OR5H15: variants seen among roughly 807,000 people sequenced by gnomAD.
The protein encoded by OR5H15 is olfactory receptor 5H15.
For synonymous variants in OR5H15, 153 were observed against 129.1 expected (o/e 1.19, Z -1.26); for missense variants, 405 against 366.1 (o/e 1.11, Z -0.87).
In OR5H15 at chr3:98,169,443, C is replaced by G; in HGVS notation, c.744C>G (p.Val248=). The G allele has an allele frequency of 1.2e-6, 2 of 1,613,606 alleles. No homozygotes were observed. Among genetic ancestry groups the G allele is most frequent in the Non-Finnish European group, 1.7e-6 (2 of 1,179,730 alleles). Residue 248 remains valine, a synonymous_variant, in exon 2 of 2, where the codon GTC becomes GTG. Coordinates refer to ENST00000641450, the MANE Select transcript of OR5H15 (RefSeq NM_001005515.2). ...CCTGTGGAGCCCATCTCTTCTCTGT[C>G]TGTTTATACTATGGCCCCCTTCTCT... ...FSTCGAHLFS[V]CLYYGPLLLM... is the part of the protein sequence containing the mutation.
Position 98,166,752 on chromosome 3 carries a change from T to C in OR5H15, c.-98T>C, listed in dbSNP as rs555239001. On this transcript the variant is annotated 5_prime_UTR_variant, in exon 1 of 2. Coordinates refer to ENST00000641450, the MANE Select transcript of OR5H15 (RefSeq NM_001005515.2). ...TGAATGGCTACCTGTGTTATTGACATTGCTGTGCTACTGTATGTATTTCGG... is the reference window on the plus strand; with the variant it reads ...TGAATGGCTACCTGTGTTATTGACACTGCTGTGCTACTGTATGTATTTCGG... 1.4e-4 allele frequency: 21 copies of C among 152,314 alleles called. No homozygotes were observed. The highest frequency in any genetic ancestry group is 4.8e-4 in the African/African-American group (20 of 41,586). 9.4% of individuals were successfully genotyped at this position (152,314 alleles called of 1,614,324 possible).
At chr3:98,168,538 A>G in intron 1 of OR5H15, 144 bp from the exon 2 acceptor site, 1 of 887,136 alleles carries the variant, frequency 1.1e-6, no homozygotes, top group South Asian at 1.8e-5. Flanking sequence ...TAATGCATCA[A>G]ATACACAATT....
chr3:98,169,191 CA>C lies in OR5H15; in HGVS notation c.493del (p.Arg165AspfsTer2). On this transcript the variant is annotated frameshift_variant, in exon 2 of 2. Coordinates refer to ENST00000641450, the MANE Select transcript of OR5H15 (RefSeq NM_001005515.2). LOFTEE classifies it low-confidence loss of function (END_TRUNC). ...HALIHEGFLF[R>X]LTFCNSNIVH... ...CTTTAATCCATGAAGGATTTTTATT[CA>C]GACTAACCTTCTGTAACTCCAACAT... 2 of 1,613,210 alleles carry C rather than the reference CA, an allele frequency of 1.2e-6. No homozygotes were observed. Among genetic ancestry groups the C allele is most frequent in the Non-Finnish European group, 1.7e-6 (2 of 1,179,576 alleles).
In OR5H15 at chr3:98,169,493, C is replaced by T. The variant is rs13082608; in HGVS notation, c.794C>T (p.Pro265Leu). 0.21 allele frequency: 338,194 copies of T among 1,612,762 alleles called. 40,568 individuals are homozygous for T. The highest frequency in any genetic ancestry group is 0.54 in the East Asian group (24,171 of 44,760). The change falls in exon 2 of 2, where the codon CCG becomes CTG. Residue 265 changes from proline to leucine, a missense_variant. Transcript: ENST00000641450. ...TTAATGTATGTGGGCCCTGCATCTC[C>T]GCAAGCAGATGGTCAAAATATGGTG... ...LLLMYVGPAS[P>L]QADGQNMVEP...
At position 98,168,749 on chromosome 3, in the gene OR5H15, T is replaced by A. The variant is rs1228036660; in HGVS notation, c.50T>A (p.Phe17Tyr). 1 of 1,613,414 alleles carries A rather than the reference T, an allele frequency of 6.2e-7. No individual in the cohort carries two copies. Among genetic ancestry groups the A allele is most frequent in the Non-Finnish European group, 8.5e-7 (1 of 1,179,522 alleles). Residue 17 changes from phenylalanine (F) to tyrosine (Y), a missense_variant, in exon 2 of 2, where the codon TTT becomes TAT. Coordinates refer to ENST00000641450, the MANE Select transcript of OR5H15 (RefSeq NM_001005515.2). Reference protein sequence around the residue: ...TLLTEFVLTGFLYQPQWKIPL... With the variant: ...TLLTEFVLTGYLYQPQWKIPL... ...CTGACAGAGTTTGTTCTCACAGGAT[T>A]TTTATATCAACCACAGTGGAAAATA...
rs1475247343 is a variant in OR5H15, at chr3:98,169,084, C to T, written c.385C>T (p.Pro129Ser). The T allele has an allele frequency of 1.9e-6, 3 of 1,613,454 alleles. No homozygotes were observed. Among genetic ancestry groups the T allele is most frequent in the Non-Finnish European group, 1.7e-6 (2 of 1,179,654 alleles). ...TGATCGCTATGTAGCCATATGCAAA[C>T]CTTTACTTTATCCAGCCATTATGAC... ...AYDRYVAICKPLLYPAIMTNG... is the reference protein window; with the variant it reads ...AYDRYVAICKSLLYPAIMTNG... The change falls in exon 2 of 2, where the codon CCT becomes TCT. Residue 129 changes from proline (P) to serine (S), a missense_variant. Transcript: ENST00000641450.
Position 98,169,467 on chromosome 3 carries a change from C to T in OR5H15, c.768C>T (p.Leu256=). The change falls in exon 2 of 2, where the codon CTC becomes CTT. Residue 256 remains leucine (L), a synonymous_variant. Transcript: ENST00000641450. ...FSVCLYYGPL[L]LMYVGPASPQ... The stretch of plus-strand genomic sequence containing the variant: ...TCTGTTTATACTATGGCCCCCTTCT[C>T]TTAATGTATGTGGGCCCTGCATCTC... 3.1e-6 allele frequency: 5 copies of T among 1,613,048 alleles called. No homozygotes were observed. Among genetic ancestry groups the T allele is most frequent in the Non-Finnish European group, 4.2e-6 (5 of 1,179,712 alleles).
intron 1 of OR5H15, among the ~76,000 whole-genome samples, chr3:98,167,606 C>T (rs1368410014): frequency 6.6e-6 from 1 of 152,006 alleles, no homozygotes; most frequent in Admixed American, 6.6e-5. Flanking sequence ...TTTGTTAGCT[C>T]TTTAATATAA....
chr3:98,167,007 G>A (rs182239882), intron 1 of OR5H15, among the ~76,000 whole-genome samples, 176 bp downstream of exon 1: 4 of 152,022 alleles, frequency 2.6e-5, no homozygotes, highest in East Asian at 1.9e-4. Context: ...ACATAGATAC[G>A]GTAAATAGTT....
rs752406643 is a variant in OR5H15 at position 98,168,804 on chromosome 3, T to G, written c.105T>G (p.Tyr35Ter). Residue 35 changes from tyrosine (Y) to a stop codon, truncating the protein, a stop_gained, in exon 2 of 2, where the codon TAT becomes TAG. Transcript: ENST00000641450. LOFTEE classifies it low-confidence loss of function (END_TRUNC). ...IPLFLAFLVI[Y>*]LITIMGNLGL... Reference sequence around the variant, plus strand: ...TGTTCTTGGCATTCTTGGTAATATATCTCATCACCATCATGGGGAATCTTG... The same window carrying G: ...TGTTCTTGGCATTCTTGGTAATATAGCTCATCACCATCATGGGGAATCTTG... 1.2e-6 allele frequency: 2 copies of G among 1,613,564 alleles called. No individual in the cohort carries two copies. The highest frequency in any genetic ancestry group is 1.7e-6 in the Non-Finnish European group (2 of 1,179,588).
At chr3:98,168,034 A>C (rs1390010653) in intron 1 of OR5H15, among the ~76,000 whole-genome samples, 1 of 152,106 alleles carries the variant, frequency 6.6e-6, no homozygotes. Context: ...GTATTTTCAA[A>C]ATGCAGATCC....
rs1466046413 is a variant in OR5H15 at position 98,168,943 on chromosome 3, CT to C, written c.245del (p.Leu82ArgfsTer5). The C allele has an allele frequency of 6.2e-7, 1 of 1,613,420 alleles. No homozygotes were observed. The highest frequency in any genetic ancestry group is 2.2e-5 in the East Asian group (1 of 44,836). ...WISSTVTPKM[L>X]NNFLAKSKMI... ...ATCATCCACAGTGACCCCAAAGATG[CT>C]GAATAACTTCTTAGCTAAGAGTAAG... On this transcript the variant is annotated frameshift_variant, in exon 2 of 2. Coordinates refer to ENST00000641450, the MANE Select transcript of OR5H15 (RefSeq NM_001005515.2). LOFTEE classifies it low-confidence loss of function (END_TRUNC).
At chr3:98,166,916 G>A (rs1360071610) in intron 1 of OR5H15, 85 bp downstream of exon 1, 2 of 151,924 alleles carry the variant, frequency 1.3e-5, no homozygotes, top group Non-Finnish European at 2.9e-5. Flanking sequence ...TTTTAGATCG[G>A]GTATACAAGC....
At chr3:98,167,359 A>T (rs1708734119) in intron 1 of OR5H15, among the ~76,000 whole-genome samples, 1 of 147,516 alleles carries the variant, frequency 6.8e-6, no homozygotes, top group South Asian at 2.1e-4. Context: ...TCAAAACCAA[A>T]ATCTTTTGTC....
In OR5H15 at chr3:98,168,859, C is replaced by A. The variant is rs768926581; in HGVS notation, c.160C>A (p.His54Asn). The change falls in exon 2 of 2, where the codon CAC (histidine) becomes AAC (asparagine). Residue 54 changes from histidine (H) to asparagine (N), a missense_variant. Coordinates refer to ENST00000641450, the MANE Select transcript of OR5H15 (RefSeq NM_001005515.2). ...GLIAVIWKDP[H>N]LHIPMYLLLG... ...GATTGCTGTCATCTGGAAAGACCCT[C>A]ACCTTCATATCCCAATGTACTTACT... 1.9e-6 allele frequency: 3 copies of A among 1,613,352 alleles called. No homozygotes were observed. The African/African-American group carries it at 4.0e-5, about 22-fold the overall frequency.
At chr3:98,168,633 CAT>C (rs1708753710) in intron 1 of OR5H15, 47 bp from the exon 2 acceptor site, 1 of 1,578,620 alleles carries the variant, frequency 6.3e-7, no homozygotes, top group African/African-American at 1.4e-5. Context: ...AATTTCAACT[CAT>C]AATGTCATTG....
chr3:98,169,736 T>A lies in OR5H15; in HGVS notation c.*95T>A, dbSNP rs552144658. ...GTTCAAACATTTTTGCAAGTATAAC[T>A]GTCCTAGCACTTTAATGACCTAACA... On this transcript the variant is annotated 3_prime_UTR_variant, in exon 2 of 2. Coordinates refer to ENST00000641450, the MANE Select transcript of OR5H15 (RefSeq NM_001005515.2). 5.6e-5 allele frequency: 48 copies of A among 861,864 alleles called. No individual in the cohort carries two copies. The South Asian group carries it at 6.8e-4, about 12-fold the overall frequency. 53.4% of individuals were successfully genotyped at this position (861,864 alleles called of 1,614,324 possible). A position where few individuals can be genotyped will look rare whatever the true frequency, so the allele number is the denominator to read the frequency against.
At chr3:98,168,633 C>T (rs1296436559) in intron 1 of OR5H15, 49 bp from the exon 2 acceptor site, 42 of 1,578,502 alleles carry the variant, frequency 2.7e-5, no homozygotes, top group Admixed American at 3.5e-5. Context: ...AATTTCAACT[C>T]ATAATGTCAT....
chr3:98,169,345 A>C lies in OR5H15; in HGVS notation c.646A>C (p.Ile216Leu). The change falls in exon 2 of 2, where the codon ATA becomes CTA. Residue 216 changes from isoleucine to leucine, a missense_variant. Transcript: ENST00000641450. ...IQVFSIVTIL[I>L]SYTFVLFTVL... is the part of the protein sequence containing the mutation. ...GGTATTCAGCATTGTGACTATTCTT[A>C]TATCTTACACATTTGTTCTCTTCAC... 3 of 1,612,994 alleles carry C rather than the reference A, an allele frequency of 1.9e-6. No individual in the cohort carries two copies. The highest frequency in any genetic ancestry group is 2.5e-6 in the Non-Finnish European group (3 of 1,179,332).
Sources: gnomAD v4.1 joint callset for allele counts (sites outside exome capture counted in the v4.1 genomes callset) on GRCh38, gnomAD v4.1.1 for gene constraint, MANE v1.5 for transcripts, NCBI Gene and HGNC (gene_info 2026-07-23, HGNC 2026-07-21) for gene names.